The following MCU variants were observed in gnomAD, a reference collection of about 807,000 sequenced individuals.
MCU encodes the protein mitochondrial calcium uniporter.
MCU carries 12 observed loss-of-function variants against 45.2 expected under a neutral mutation model. The observed-to-expected ratio is 0.27, with a 90% confidence interval of 0.17 to 0.43. The LOEUF (loss-of-function observed/expected upper bound fraction) is 0.43, where lower values mean the gene tolerates loss of function less well. MCU is among the 20% of genes least tolerant of loss of function. The probability of loss-of-function intolerance (pLI) is 1.00; values close to 1 mark genes in which losing one functional copy is unlikely to be tolerated. For missense variants in MCU, 324 were observed against 436.7 expected (o/e 0.74, Z 2.30); for synonymous variants, 160 against 165.1 (o/e 0.97, Z 0.24).
At chr10:72,717,485 C>T (rs1842969189) in intron 1 of MCU, among the ~76,000 whole-genome samples, 1 of 152,082 alleles carries the variant, frequency 6.6e-6, no homozygotes, top group African/African-American at 2.4e-5. Flanking sequence ...TCTCAAACTC[C>T]TGACCTCAGG....
chr10:72,829,421 A>G (rs1844846308), intron 1 of MCU, among the ~76,000 whole-genome samples: 1 of 152,062 alleles, frequency 6.6e-6, no homozygotes, highest in South Asian at 2.1e-4. Context: ...GTATCTGCCA[A>G]GATTTAACTT....
chr10:72,749,113 GA>G (rs368602725), intron 1 of MCU, among the ~76,000 whole-genome samples: 4 of 147,108 alleles, frequency 2.7e-5, no homozygotes, highest in African/African-American at 7.5e-5. Context: ...CCCAATAATT[GA>G]AAAAAAAAAT....
At chr10:72,820,898 C>T (rs1844701977) in intron 1 of MCU, among the ~76,000 whole-genome samples, 1 of 151,668 alleles carries the variant, frequency 6.6e-6, no homozygotes, top group African/African-American at 2.4e-5. Context: ...CATACGTGTT[C>T]CGTTTCTGTT....
At chr10:72,859,093 A>AC in intron 2 of MCU, 84 bp from the exon 3 acceptor site, 1 of 1,244,556 alleles carries the variant, frequency 8.0e-7, no homozygotes, top group South Asian at 1.6e-5. Flanking sequence ...CTAATAATAG[A>AC]CCCCCATGCA....
intron 1 of MCU, among the ~76,000 whole-genome samples, chr10:72,725,646 T>G (rs368684495): frequency 1.3e-5 from 2 of 151,980 alleles, no homozygotes; most frequent in East Asian, 3.9e-4. Context: ...CCCAACACTT[T>G]GGGAGGCTGA....
chr10:72,748,858 C>A (rs535317294), intron 1 of MCU, among the ~76,000 whole-genome samples: 1 of 152,190 alleles, frequency 6.6e-6, no homozygotes, highest in African/African-American at 2.4e-5. Flanking sequence ...GGTAAACTTT[C>A]CATCTGAGGA....
At chr10:72,760,870 T>A (rs1355485556) in intron 1 of MCU, among the ~76,000 whole-genome samples, 1 of 152,066 alleles carries the variant, frequency 6.6e-6, no homozygotes, top group Non-Finnish European at 1.5e-5. Context: ...TTTTCATTCC[T>A]ATTCAATAGA....
intron 1 of MCU, among the ~76,000 whole-genome samples, chr10:72,776,977 A>G (rs1254995624): frequency 1.3e-5 from 2 of 152,222 alleles, no homozygotes; most frequent in African/African-American, 4.8e-5. Flanking sequence ...TAGCTATGAA[A>G]TACCTAGGAG....
At chr10:72,796,888 A>G (rs1402088773) in intron 1 of MCU, among the ~76,000 whole-genome samples, 1 of 152,082 alleles carries the variant, frequency 6.6e-6, no homozygotes, top group Non-Finnish European at 1.5e-5. Flanking sequence ...TCCAGGTGGA[A>G]TGACTTTATT....
At chr10:72,708,188 G>A (rs1842847670) in intron 1 of MCU, 1 of 152,162 alleles carries the variant, frequency 6.6e-6, no homozygotes, top group Non-Finnish European at 1.5e-5. Context: ...ACATCTTCAT[G>A]AACAATTTAC....
intron 1 of MCU, among the ~76,000 whole-genome samples, chr10:72,820,576 T>A (rs1351077069): frequency 6.6e-6 from 1 of 151,920 alleles, no homozygotes; most frequent in Non-Finnish European, 1.5e-5. Flanking sequence ...AATGGTGCGA[T>A]CTTGGCTCAC....
chr10:72,838,306 A>G (rs1427436282), intron 2 of MCU, among the ~76,000 whole-genome samples: 3 of 151,940 alleles, frequency 2.0e-5, no homozygotes, highest in African/African-American at 7.3e-5. Flanking sequence ...ATCCTACTCA[A>G]TTTGCCTTGT....
chr10:72,871,433 T>C lies in MCU; in HGVS notation c.714T>C (p.Gly238=). The change falls in exon 6 of 8, where the codon GGT becomes GGC. Residue 238 remains glycine, a synonymous_variant. Coordinates refer to ENST00000373053, the MANE Select transcript of MCU (RefSeq NM_138357.3). ...AEKRTTLVLW[G]GLAYMATQFG... is the part of the protein sequence containing the mutation. Reference sequence around the variant, plus strand: ...AGAGGACCACTTTGGTGCTATGGGGTGGCCTTGCCTACATGGCCACACAGT... The same window carrying C: ...AGAGGACCACTTTGGTGCTATGGGGCGGCCTTGCCTACATGGCCACACAGT... 1.2e-6 allele frequency: 2 copies of C among 1,614,142 alleles called. No individual in the cohort carries two copies. The highest frequency in any genetic ancestry group is 1.7e-6 in the Non-Finnish European group (2 of 1,180,012).
intron 1 of MCU, among the ~76,000 whole-genome samples, chr10:72,806,782 T>C (rs1031887444): frequency 8.5e-5 from 13 of 152,190 alleles, no homozygotes; most frequent in African/African-American, 3.1e-4. Flanking sequence ...GGTTGTTTAG[T>C]GAAACCTGAA....
intron 1 of MCU, among the ~76,000 whole-genome samples, chr10:72,820,481 C>T (rs1341125623): frequency 1.3e-5 from 2 of 151,780 alleles, no homozygotes; most frequent in African/African-American, 4.8e-5. Context: ...ACACAGGTGC[C>T]CTTCTGGACT....
chr10:72,791,105 A>G (rs1844153238), intron 1 of MCU, among the ~76,000 whole-genome samples: 1 of 152,158 alleles, frequency 6.6e-6, no homozygotes, highest in Non-Finnish European at 1.5e-5. Context: ...ATTTAAAGTG[A>G]AATCATCTTC....
At position 72,850,078 on chromosome 10, in the gene MCU, T is replaced by A. The variant is rs1845184738; in HGVS notation, c.221-9099T>A. Among the ~76,000 whole-genome samples the A allele has an allele frequency of 2.0e-5, 3 of 152,124 alleles. No homozygotes were observed. In the South Asian group the frequency reaches 6.2e-4, roughly 32 times the overall value. ...ACAGGTGTCTGCCACCACACCCAGC[T>A]AATTTTTTGTATTTTTAGTAGAGAT... is the stretch of plus-strand genomic sequence containing the variant. On this transcript the variant is annotated intron_variant, in intron 2 of 7. Transcript: ENST00000373053.
chr10:72,789,927 T>G (rs1344326536), intron 1 of MCU, among the ~76,000 whole-genome samples: 1 of 152,208 alleles, frequency 6.6e-6, no homozygotes, highest in Non-Finnish European at 1.5e-5. Flanking sequence ...AAAATGAATG[T>G]GAAAGCTACC....
At chr10:72,818,927 T>C (rs1351781634) in intron 1 of MCU, among the ~76,000 whole-genome samples, 12 of 152,208 alleles carry the variant, frequency 7.9e-5, no homozygotes. Context: ...AAATACAAGT[T>C]ACTTCTAACT....
Sources: allele counts gnomAD v4.1 joint callset (sites outside exome capture counted in the v4.1 genomes callset), GRCh38; gene constraint gnomAD v4.1.1; transcripts MANE v1.5; gene names NCBI Gene and HGNC (gene_info 2026-07-23, HGNC 2026-07-21).